The following CHN2 variants were observed in gnomAD, a reference collection of about 807,000 sequenced individuals.
CHN2 encodes chimerin 2, also known as beta-chimaerin.
CHN2 carries 35 observed loss-of-function variants against 56.3 expected under a neutral mutation model. The observed-to-expected ratio is 0.62, with a 90% CI of 0.47 to 0.82. CHN2 has a LOEUF of 0.82. CHN2 is among the 40% of genes least tolerant of loss of function. CHN2 has a pLI of 0.00. For synonymous variants in CHN2, 210 were observed against 212.8 expected (o/e 0.99, Z 0.12); for missense variants, 491 against 580.5 (o/e 0.85, Z 1.58).
At chr7:29,199,023 A>G (rs2128766718) in intron 1 of CHN2, among the ~76,000 whole-genome samples, 1 of 152,362 alleles carries the variant, frequency 6.6e-6, no homozygotes, top group East Asian at 1.9e-4. Flanking sequence ...TATTAGGTGC[A>G]GTCTTCAAAA....
chr7:29,313,221 G>A (rs1297701380), intron 1 of CHN2, among the ~76,000 whole-genome samples: 2 of 152,114 alleles, frequency 1.3e-5, no homozygotes, highest in Admixed American at 1.3e-4. Context: ...TTTTCCCTCA[G>A]CCCTAGTCCT....
At chr7:29,480,126 C>G in intron 6 of CHN2, 153 bp from the exon 7 acceptor site, 16 of 1,555,892 alleles carry the variant, frequency 1.0e-5, no homozygotes, top group Non-Finnish European at 1.4e-5. Context: ...CTCTGAAGAA[C>G]TGTGGCTGGA....
chr7:29,289,421 C>T (rs1014870077), intron 1 of CHN2, among the ~76,000 whole-genome samples: 5 of 151,982 alleles, frequency 3.3e-5, no homozygotes, highest in Non-Finnish European at 5.9e-5. Flanking sequence ...CAGATGTCTC[C>T]GAGAGGGGGA....
intron 2 of CHN2, among the ~76,000 whole-genome samples, chr7:29,166,220 G>A (rs1250725147): frequency 1.3e-5 from 2 of 152,050 alleles, no homozygotes; most frequent in South Asian, 2.1e-4. Flanking sequence ...TTTTTGTAGA[G>A]GTGGGGTCTC....
chr7:29,234,668 C>A (rs1787042142), intron 1 of CHN2, among the ~76,000 whole-genome samples: 1 of 152,172 alleles, frequency 6.6e-6, no homozygotes, highest in Non-Finnish European at 1.5e-5. Context: ...TTCAGTCAAA[C>A]TGAAACTTTA....
At chr7:29,170,160 T>A (rs945124518) in intron 2 of CHN2, among the ~76,000 whole-genome samples, 2 of 152,124 alleles carry the variant, frequency 1.3e-5, no homozygotes, top group African/African-American at 4.8e-5. Flanking sequence ...GGAGGGGGAT[T>A]CCCTGAGCTC....
chr7:29,277,909 C>T (rs1366665807), intron 1 of CHN2, among the ~76,000 whole-genome samples: 1 of 152,190 alleles, frequency 6.6e-6, no homozygotes, highest in Admixed American at 6.5e-5. Flanking sequence ...CCCTTCAGCC[C>T]CTCAATGACC....
intron 1 of CHN2, chr7:29,289,124 G>A (rs974013317): frequency 6.6e-5 from 10 of 152,212 alleles, no homozygotes; most frequent in African/African-American, 1.4e-4. Context: ...TTTGAGAAAC[G>A]TGGTGCTTAT....
intron 1 of CHN2, among the ~76,000 whole-genome samples, chr7:29,339,814 C>G (rs1364694595): frequency 6.6e-6 from 1 of 151,658 alleles, no homozygotes; most frequent in Non-Finnish European, 1.5e-5. Flanking sequence ...GATTGCACCA[C>G]TGCACTCCAG....
intron 7 of CHN2, among the ~76,000 whole-genome samples, chr7:29,494,950 T>TAAAAAAAAAAAAAAAAAAAAAAAAAA (rs5883217): frequency 1.5e-5 from 1 of 64,652 alleles, no homozygotes; most frequent in Non-Finnish European, 2.8e-5. Context: ...AAGCAGTTTG[T>TAAAAAAAAAAAAAAAAAAAAAAAAAA]AAAAAAAAAA....
At chr7:29,362,441 A>G (rs987130697) in intron 2 of CHN2, among the ~76,000 whole-genome samples, 1 of 152,222 alleles carries the variant, frequency 6.6e-6, no homozygotes, top group African/African-American at 2.4e-5. Context: ...CTTCTTCTGA[A>G]TAACCTTATC....
intron 2 of CHN2, among the ~76,000 whole-genome samples, chr7:29,147,672 A>G (rs1465381195): frequency 2.0e-5 from 3 of 152,166 alleles, no homozygotes; most frequent in Admixed American, 6.5e-5. Flanking sequence ...CTACCCACCT[A>G]GCTCTTTAAG....
rs78228927 is a variant in CHN2 at position 29,476,036 on chromosome 7, G to A, written c.577-4243G>A. 6.4e-3 allele frequency among the ~76,000 whole-genome samples: 980 copies of A among 152,276 alleles called. 11 individuals are homozygous for A. The highest frequency in any genetic ancestry group is 0.023 in the African/African-American group (936 of 41,548). On this transcript the variant is annotated intron_variant, in intron 6 of 12. Transcript: ENST00000222792. Reference sequence around the variant, plus strand: ...AAATGGTTAAAATGGTAAATTTTATGTTAAGTGTAGTAGAAGGAAAGACAC... The same window carrying A: ...AAATGGTTAAAATGGTAAATTTTATATTAAGTGTAGTAGAAGGAAAGACAC...
chr7:29,361,909 A>G (rs1310350378), intron 2 of CHN2, among the ~76,000 whole-genome samples: 2 of 152,008 alleles, frequency 1.3e-5, no homozygotes, highest in African/African-American at 4.8e-5. Context: ...CACTTTCACA[A>G]CCTCATCTGT....
At chr7:29,150,119 G>GT (rs565644763) in intron 2 of CHN2, among the ~76,000 whole-genome samples, 1 of 152,268 alleles carries the variant, frequency 6.6e-6, no homozygotes, top group South Asian at 2.1e-4. Flanking sequence ...ACAAGCCCTT[G>GT]TGTTCTCTGC....
At chr7:29,373,693 T>G (rs772674874) in intron 3 of CHN2, among the ~76,000 whole-genome samples, 1 of 152,218 alleles carries the variant, frequency 6.6e-6, no homozygotes. Context: ...ATTTCTTCAT[T>G]ATGCTTTTTA....
At chr7:29,250,765 C>T (rs1788440070) in intron 1 of CHN2, among the ~76,000 whole-genome samples, 1 of 148,846 alleles carries the variant, frequency 6.7e-6, no homozygotes, top group Non-Finnish European at 1.5e-5. Flanking sequence ...GGCTGGAGTA[C>T]AGTGGCACAG....
chr7:29,299,744 G>C (rs1218662140), intron 1 of CHN2, among the ~76,000 whole-genome samples: 1 of 152,096 alleles, frequency 6.6e-6, no homozygotes, highest in Non-Finnish European at 1.5e-5. Context: ...TTTCCATTGA[G>C]CTTCTATTAA....
chr7:29,211,450 GCACACACACACACACACACA>G (rs148200755), intron 1 of CHN2, among the ~76,000 whole-genome samples: 1 of 138,360 alleles, frequency 7.2e-6, no homozygotes, highest in South Asian at 2.5e-4. Context: ...CTGCATGTTG[GCACACACACACACACACACA>G]CACACACACA....
Sources: gnomAD v4.1 joint callset for allele counts (sites outside exome capture counted in the v4.1 genomes callset) on GRCh38, gnomAD v4.1.1 for gene constraint, MANE v1.5 for transcripts, NCBI Gene and HGNC (gene_info 2026-07-23, HGNC 2026-07-21) for gene names.